The following NIPBL variants were observed in gnomAD, a reference collection of about 807,000 sequenced individuals.
The protein encoded by NIPBL is NIPBL cohesin loading factor.
Under a neutral mutation model 321.8 loss-of-function variants are expected in NIPBL, and 19 were observed. The observed-to-expected ratio is 0.06, with a 90% CI of 0.04 to 0.09. The LOEUF (loss-of-function observed/expected upper bound fraction) is 0.09, where lower values mean the gene tolerates loss of function less well. Ranked by LOEUF, NIPBL falls within the 10% of genes least tolerant of loss-of-function variation. The pLI, the probability that NIPBL is intolerant of heterozygous loss-of-function variation, is 1.00. For missense variants in NIPBL, 2,210 were observed against 3,327.0 expected, an observed-to-expected ratio of 0.66 and a Z score of 8.26; for synonymous variants, 1,106 against 1,114.1, an observed-to-expected ratio of 0.99 and a Z score of 0.14.
intron 1 of NIPBL, among the ~76,000 whole-genome samples, chr5:36,883,022 A>G (rs1419565424): frequency 6.6e-6 from 1 of 151,970 alleles, no homozygotes; most frequent in Non-Finnish European, 1.5e-5. Flanking sequence ...TATCTGTGGA[A>G]TAAGTAGCTT....
intron 1 of NIPBL, chr5:36,886,135 C>T: frequency 1.5e-6 from 1 of 650,126 alleles, no homozygotes; most frequent in Non-Finnish European, 2.8e-6. Flanking sequence ...TCCATCTGGA[C>T]TTGATAAGAA....
intron 1 of NIPBL, among the ~76,000 whole-genome samples, chr5:36,892,207 T>A (rs1478091593): frequency 6.6e-6 from 1 of 152,172 alleles, no homozygotes; most frequent in Non-Finnish European, 1.5e-5. Context: ...TCACTGGCCA[T>A]CAGAGAAATG....
intron 6 of NIPBL, among the ~76,000 whole-genome samples, chr5:36,968,490 G>A (rs1297013450): frequency 2.0e-5 from 3 of 151,966 alleles, no homozygotes; most frequent in African/African-American, 7.2e-5. Context: ...AATGGGGTTA[G>A]CCTGGGAGGC....
chr5:36,917,920 A>C (rs1268234571), intron 1 of NIPBL, among the ~76,000 whole-genome samples: 1 of 152,148 alleles, frequency 6.6e-6, no homozygotes, highest in African/African-American at 2.4e-5. Context: ...TGTTTGGGTT[A>C]CTGTAGCCTT....
chr5:36,901,963 A>C (rs187612001), intron 1 of NIPBL, among the ~76,000 whole-genome samples: 1 of 152,082 alleles, frequency 6.6e-6, no homozygotes, highest in Non-Finnish European at 1.5e-5. Flanking sequence ...CTGGTGTGCA[A>C]TGGTGTCTCA....
chr5:37,027,281 G>A (rs780723013), intron 31 of NIPBL, 78 bp from the exon 32 acceptor site: 4 of 1,131,768 alleles, frequency 3.5e-6, no homozygotes, highest in African/African-American at 3.1e-5. Context: ...ACATGTTTCA[G>A]GCTAAAGCAT....
intron 32 of NIPBL, among the ~76,000 whole-genome samples, chr5:37,028,707 A>G (rs985412911): frequency 6.6e-6 from 1 of 152,048 alleles, no homozygotes; most frequent in Non-Finnish European, 1.5e-5. Flanking sequence ...GCATCTATCT[A>G]TCTGTAGCAG....
chr5:36,938,233 T>C (rs1738669951), intron 1 of NIPBL, among the ~76,000 whole-genome samples: 1 of 151,814 alleles, frequency 6.6e-6, no homozygotes, highest in African/African-American at 2.4e-5. Context: ...GGGAGAAGGG[T>C]TGAGAGACTG....
chr5:36,976,465 AT>A, intron 9 of NIPBL, 63 bp downstream of exon 9: 2 of 1,563,558 alleles, frequency 1.3e-6, no homozygotes, highest in Non-Finnish European at 1.7e-6. Context: ...AGTGTCAAAA[AT>A]TTTTTTCACA....
At position 37,038,708 on chromosome 5, in the gene NIPBL, T is replaced by C; in HGVS notation, c.6078T>C (p.Thr2026=). 6 of 1,613,718 alleles carry C rather than the reference T, an allele frequency of 3.7e-6. No homozygotes were observed. The highest frequency in any genetic ancestry group is 1.7e-4 in the Middle Eastern group (1 of 5,986). ...RPQLMVKHAM[T]MQPYLTTKCS... ...AGCTCATGGTTAAACATGCAATGAC[T>C]ATGCAACCATACCTTACCACTAAAT... Residue 2026 remains threonine (T), a synonymous_variant, in exon 34 of 47, where the codon ACT becomes ACC. Transcript: ENST00000282516.
intron 42 of NIPBL, 128 bp from the exon 43 acceptor site, chr5:37,057,058 G>C: frequency 1.2e-6 from 1 of 852,852 alleles, no homozygotes; most frequent in Non-Finnish European, 1.9e-6. Flanking sequence ...CTCTCTCCGT[G>C]TGTGTCTGCT....
chr5:36,968,711 G>A (rs1382991624), intron 6 of NIPBL, among the ~76,000 whole-genome samples: 1 of 152,106 alleles, frequency 6.6e-6, no homozygotes, highest in Non-Finnish European at 1.5e-5. Context: ...AAAAAAAGGA[G>A]AAGAGGTTGA....
intron 11 of NIPBL, among the ~76,000 whole-genome samples, chr5:36,997,344 G>C (rs1746247053): frequency 6.6e-6 from 1 of 152,104 alleles, no homozygotes; most frequent in African/African-American, 2.4e-5. Context: ...AAATTGCAAA[G>C]ATTTCTGAAG....
chr5:36,994,991 C>G lies in NIPBL; in HGVS notation c.3122-631C>G, dbSNP rs183413080. 6.6e-5 allele frequency among the ~76,000 whole-genome samples: 10 copies of G among 152,146 alleles called. 1 individual carries two copies. The highest frequency in any genetic ancestry group is 5.9e-4 in the Admixed American group (9 of 15,274). ...TATTTATCCTGTGTTACATGTTTCT[C>G]TCGTCTTCAGTTAAATTGTATATAT... On this transcript the variant is annotated intron_variant, in intron 10 of 46. Coordinates refer to ENST00000282516, the MANE Select transcript of NIPBL (RefSeq NM_133433.4).
chr5:37,022,487 C>A, intron 29 of NIPBL, 97 bp downstream of exon 29: 2 of 1,036,064 alleles, frequency 1.9e-6, no homozygotes, highest in East Asian at 2.6e-5. Flanking sequence ...ATAAATGTAC[C>A]AATTATATAT....
At position 36,996,824 on chromosome 5, in the gene NIPBL, C is replaced by T. The variant is rs1746178484; in HGVS notation, c.3304+1020C>T. On this transcript the variant is annotated intron_variant, in intron 11 of 46. Coordinates refer to ENST00000282516, the MANE Select transcript of NIPBL (RefSeq NM_133433.4). This position sits in a 1 kb window ranked among gnomAD's most constrained non-coding sequence, Gnocchi z 5.0. The stretch of plus-strand genomic sequence containing the variant: ...CAAGCAAGGGCAGGAAGGACAGATG[C>T]ATGCTGCCATTTTTAAATGTATATT... 1 of 193,770 alleles carries T rather than the reference C, an allele frequency of 5.2e-6. No individual in the cohort carries two copies. Among genetic ancestry groups the T allele is most frequent in the South Asian group, 9.0e-5 (1 of 11,144 alleles). The allele number at this position is 193,770 out of a possible 1,614,324, so 12.0% of individuals were successfully genotyped here. A position where few individuals can be genotyped will look rare whatever the true frequency, so the allele number is the denominator to read the frequency against.
intron 44 of NIPBL, among the ~76,000 whole-genome samples, 163 bp from the exon 45 acceptor site, chr5:37,060,681 G>GT (rs1304716525): frequency 2.0e-5 from 3 of 152,150 alleles, no homozygotes; most frequent in Non-Finnish European, 4.4e-5. Context: ...CAGTTAGGTG[G>GT]TATTAAGTAA....
rs1390972459 is a variant in NIPBL, at chr5:37,006,585, G to A, written c.4084G>A (p.Gly1362Arg). ...YDPVYRLDPH[G>R]GGLLSSKAKR... ...TCCTGTTTACAGATTAGATCCTCAT[G>A]GAGGTTAGTTCGTATAATATCAAAA... Residue 1362 changes from glycine to arginine, a missense_variant, in exon 17 of 47, where the codon GGA (glycine) becomes AGA (arginine). By Grantham distance (125) the Gly-to-Arg change is moderately radical. Coordinates refer to ENST00000282516, the MANE Select transcript of NIPBL (RefSeq NM_133433.4). The A allele has an allele frequency of 6.3e-7, 1 of 1,587,444 alleles. No homozygotes were observed. Among genetic ancestry groups the A allele is most frequent in the Admixed American group, 1.7e-5 (1 of 59,498 alleles).
chr5:37,001,283 T>G (rs1746770324), intron 14 of NIPBL, among the ~76,000 whole-genome samples: 1 of 152,114 alleles, frequency 6.6e-6, no homozygotes, highest in Admixed American at 6.6e-5. Flanking sequence ...CTATGATAAA[T>G]ACACAAATAC....
Sources: allele counts gnomAD v4.1 joint callset (sites outside exome capture counted in the v4.1 genomes callset), GRCh38; gene constraint gnomAD v4.1.1; non-coding constraint Gnocchi (gnomAD v3.1); transcripts MANE v1.5; gene names NCBI Gene and HGNC (gene_info 2026-07-23, HGNC 2026-07-21).